XKR4: variants seen among roughly 807,000 people sequenced by gnomAD.
XKR4 encodes the protein XK related 4.
A neutral mutation model predicts 53.9 loss-of-function variants in XKR4; 12 were observed. The ratio of observed to expected loss-of-function variants is 0.22; its 90% confidence interval spans 0.14 to 0.36. XKR4 has a LOEUF of 0.36. Ranked by LOEUF, XKR4 falls within the 10% of genes least tolerant of loss-of-function variation. The pLI, the probability that XKR4 is intolerant of heterozygous loss-of-function variation, is 1.00. For missense variants in XKR4, 799 were observed against 859.5 expected (o/e 0.93, Z 0.88); for synonymous variants, 354 against 362.4 (o/e 0.98, Z 0.26).
chr8:55,339,700 T>A (rs2129381933), intron 1 of XKR4, among the ~76,000 whole-genome samples: 1 of 152,312 alleles, frequency 6.6e-6, no homozygotes, highest in East Asian at 1.9e-4. Flanking sequence ...ATGCTAAAAA[T>A]TGTGTGCTAG....
intron 1 of XKR4, among the ~76,000 whole-genome samples, chr8:55,352,884 G>A (rs961554768): frequency 7.9e-5 from 12 of 152,218 alleles, no homozygotes; most frequent in African/African-American, 2.7e-4. Context: ...CCAGATGTAA[G>A]TAGTAAAGGC....
At chr8:55,470,073 TG>T (rs201460029) in intron 2 of XKR4, among the ~76,000 whole-genome samples, 2,685 of 152,158 alleles carry the variant, frequency 0.018, 46 homozygotes, top group Middle Eastern at 0.037. Context: ...TCTGATGTAA[TG>T]GGGGAAAGTA....
intron 1 of XKR4, among the ~76,000 whole-genome samples, chr8:55,146,225 G>A (rs1210041699): frequency 6.6e-6 from 1 of 152,176 alleles, no homozygotes; most frequent in Non-Finnish European, 1.5e-5. Context: ...CCAAAGAAAA[G>A]CCGAGACTGC....
chr8:55,213,287 G>A (rs1054654936), intron 1 of XKR4, among the ~76,000 whole-genome samples: 18 of 152,296 alleles, frequency 1.2e-4, no homozygotes, highest in African/African-American at 4.1e-4. Flanking sequence ...AGGGTGAGGA[G>A]TGTTGATTGT....
At position 55,528,097 on chromosome 8, in the gene XKR4, G is replaced by A. The variant is rs980956786; in HGVS notation, c.*3870G>A. 1.3e-5 allele frequency: 2 copies of A among 152,146 alleles called. No individual in the cohort carries two copies. Among genetic ancestry groups the A allele is most frequent in the Non-Finnish European group, 2.9e-5 (2 of 68,026 alleles). 9.4% of individuals were successfully genotyped at this position (152,146 alleles called of 1,614,324 possible). On this transcript the variant is annotated 3_prime_UTR_variant, in exon 3 of 3. Transcript: ENST00000327381. ...GAATGTATATAAAGTGGTATGTTAT[G>A]CATATAAATTGTACATAAACTTTTT...
chr8:55,319,123 A>G (rs1248134038), intron 1 of XKR4, among the ~76,000 whole-genome samples: 2 of 152,210 alleles, frequency 1.3e-5, no homozygotes, highest in African/African-American at 4.8e-5. Context: ...ACATCCTGTG[A>G]AAAAGAAAAG....
At chr8:55,452,445 G>A (rs1805466080) in intron 2 of XKR4, 4 of 622,254 alleles carry the variant, frequency 6.4e-6, no homozygotes, top group Non-Finnish European at 1.2e-5. Flanking sequence ...CGCACTGCCC[G>A]CCCTCGCACC....
chr8:55,502,608 G>GT (rs35742330), intron 2 of XKR4, among the ~76,000 whole-genome samples: 17 of 150,980 alleles, frequency 1.1e-4, no homozygotes, highest in Admixed American at 7.9e-4. Context: ...TTGAGTTATA[G>GT]TTTTTTTTTA....
intron 2 of XKR4, among the ~76,000 whole-genome samples, chr8:55,516,574 A>T (rs950601456): frequency 3.9e-5 from 6 of 152,248 alleles, no homozygotes; most frequent in African/African-American, 1.2e-4. Context: ...ATATGAGAAA[A>T]GCTACTGTAT....
intron 1 of XKR4, among the ~76,000 whole-genome samples, chr8:55,301,129 A>T (rs999224682): frequency 4.2e-5 from 6 of 141,664 alleles, no homozygotes; most frequent in African/African-American, 1.6e-4. Context: ...GTATCTCCTA[A>T]TGCTATCCCT....
Position 55,523,773 on chromosome 8 carries a change from T to A in XKR4, c.1499T>A (p.Leu500Ter). 1 of 1,614,240 alleles carries A rather than the reference T, an allele frequency of 6.2e-7. No individual in the cohort carries two copies. The highest frequency in any genetic ancestry group is 8.5e-7 in the Non-Finnish European group (1 of 1,180,048). The change falls in exon 3 of 3, where the codon TTA becomes TAA. Residue 500 changes from leucine to a stop codon, truncating the protein, a stop_gained. Transcript: ENST00000327381. LOFTEE classifies it high-confidence loss of function. The part of the protein sequence containing the change: ...PALCVVFSSF[L>*]TGVVFMLMYY... ...CTGTGTGTGGTGTTCAGCAGCTTTT[T>A]AACTGGCGTTGTTTTTATGCTGATG...
intron 1 of XKR4, among the ~76,000 whole-genome samples, chr8:55,238,190 A>G (rs1458483159): frequency 1.3e-5 from 2 of 152,280 alleles, no homozygotes; most frequent in Admixed American, 6.5e-5. Context: ...TAGATAGGCC[A>G]CCCAGCCACA....
intron 2 of XKR4, among the ~76,000 whole-genome samples, chr8:55,459,433 C>A (rs1489815450): frequency 6.6e-6 from 1 of 152,010 alleles, no homozygotes; most frequent in Admixed American, 6.6e-5. Context: ...GGAAATTGAA[C>A]TTCATAAAAA....
intron 2 of XKR4, among the ~76,000 whole-genome samples, chr8:55,413,551 T>G (rs1419989085): frequency 6.6e-6 from 1 of 152,228 alleles, no homozygotes; most frequent in Non-Finnish European, 1.5e-5. Context: ...CAATATTTAC[T>G]TAAAGTTTCT....
In XKR4 at chr8:55,383,880, G is replaced by A. The variant is rs970026881; in HGVS notation, c.1006+26003G>A. 4.6e-5 allele frequency among the ~76,000 whole-genome samples: 7 copies of A among 152,218 alleles called. No individual in the cohort carries two copies. The South Asian group carries it at 6.2e-4, about 14-fold the overall frequency. The stretch of plus-strand genomic sequence containing the variant: ...TTCATATTCAGACAATCTGGCTCCC[G>A]AGACACAGCATATGTACCCTTCTAC... On this transcript the variant is annotated intron_variant, in intron 2 of 2. Transcript: ENST00000327381.
In XKR4 at chr8:55,529,798, C is replaced by T. The variant is rs1055015256; in HGVS notation, c.*5571C>T. On this transcript the variant is annotated 3_prime_UTR_variant, in exon 3 of 3. Coordinates refer to ENST00000327381, the MANE Select transcript of XKR4 (RefSeq NM_052898.2). ...TTCCAAGAAAATTTTATTTAAAAGT[C>T]AAAGATGTCCTTCAAAATGAACAGT... is the stretch of plus-strand genomic sequence containing the variant. 1 of 152,006 alleles carries T rather than the reference C, an allele frequency of 6.6e-6. No homozygotes were observed. The highest frequency in any genetic ancestry group is 2.1e-4 in the South Asian group (1 of 4,808). 9.4% of individuals were successfully genotyped at this position (152,006 alleles called of 1,614,324 possible).
At chr8:55,474,000 G>A (rs1354030069) in intron 2 of XKR4, among the ~76,000 whole-genome samples, 1 of 151,846 alleles carries the variant, frequency 6.6e-6, no homozygotes, top group Non-Finnish European at 1.5e-5. Context: ...CCAACACCTG[G>A]GCTCCAGTGA....
rs1481089420 is a variant in XKR4, at chr8:55,534,264, C to T, written c.*10037C>T. On this transcript the variant is annotated 3_prime_UTR_variant, in exon 3 of 3. Transcript: ENST00000327381. ...TTCTTAGGTGGTGACATTAGCAGTT[C>T]CAAACCGAGATCCATTTCTATGTGG... The T allele has an allele frequency of 6.6e-6, 1 of 151,542 alleles. No individual in the cohort carries two copies. The highest frequency in any genetic ancestry group is 2.4e-5 in the African/African-American group (1 of 41,242). The allele number at this position is 151,542 out of a possible 1,614,324, so 9.4% of individuals were successfully genotyped here.
chr8:55,416,438 G>A (rs1347627279), intron 2 of XKR4, among the ~76,000 whole-genome samples: 1 of 152,156 alleles, frequency 6.6e-6, no homozygotes. Context: ...GTGAACCATA[G>A]CTTCACAGTC....
Sources: gnomAD v4.1 joint callset for allele counts (sites outside exome capture counted in the v4.1 genomes callset) on GRCh38, gnomAD v4.1.1 for gene constraint, MANE v1.5 for transcripts, NCBI Gene and HGNC (gene_info 2026-07-23, HGNC 2026-07-21) for gene names.